The following FARSA variants were observed in gnomAD, a reference collection of about 807,000 sequenced individuals.
FARSA encodes phenylalanyl-tRNA synthetase subunit alpha, also known as phenylalanine--tRNA ligase alpha subunit.
A neutral mutation model predicts 63.2 loss-of-function variants in FARSA; 37 were observed. The observed-to-expected ratio is 0.59, with a 90% CI of 0.45 to 0.77. The LOEUF (loss-of-function observed/expected upper bound fraction) is 0.77, where lower values mean the gene tolerates loss of function less well. FARSA is among the 30% of genes least tolerant of loss of function. The pLI is 0.00. For missense variants in FARSA, 618 were observed against 696.6 expected (o/e 0.89, Z 1.27); for synonymous variants, 312 against 285.1 (o/e 1.09, Z -0.95).
At chr19:12,926,429 G>A (rs1971327601) in intron 7 of FARSA, among the ~76,000 whole-genome samples, 1 of 151,864 alleles carries the variant, frequency 6.6e-6, no homozygotes, top group Non-Finnish European at 1.5e-5. Context: ...CCGCCACTAT[G>A]CCTGGCTAAT....
At chr19:12,933,441 A>G in intron 1 of FARSA, 109 bp downstream of exon 1, 1 of 1,346,054 alleles carries the variant, frequency 7.4e-7, no homozygotes, top group Non-Finnish European at 1.0e-6. Context: ...ACACATATAC[A>G]GCTACCCCAA....
At position 12,924,685 on chromosome 19, in the gene FARSA, G is replaced by A. The variant is rs1971305368; in HGVS notation, c.1149C>T (p.Thr383=). ...GCAGAACGCCCATGAGGTGGCCCAAGGTGAGACCATGATCCGCCACCACGC... is the reference window on the plus strand; with the variant it reads ...GCAGAACGCCCATGAGGTGGCCCAAAGTGAGACCATGATCCGCCACCACGC... The part of the protein sequence containing the change: ...IEGVVADHGL[T]LGHLMGVLRE... Residue 383 remains threonine (T), a synonymous_variant, in exon 10 of 13, where the codon ACC becomes ACT. Coordinates refer to ENST00000314606, the MANE Select transcript of FARSA (RefSeq NM_004461.3). The surrounding 1 kb of genome is among the most constrained non-coding windows in gnomAD (Gnocchi z 6.4). The A allele has an allele frequency of 2.5e-6, 4 of 1,592,424 alleles. No individual in the cohort carries two copies. The highest frequency in any genetic ancestry group is 2.3e-5 in the South Asian group (2 of 87,616).
intron 1 of FARSA, 121 bp from the exon 2 acceptor site, chr19:12,930,870 G>A: frequency 8.6e-7 from 1 of 1,157,558 alleles, no homozygotes; most frequent in Non-Finnish European, 1.2e-6. Context: ...TCACATCCCA[G>A]CTATACAACT....
Position 12,922,505 on chromosome 19 carries a change from C to T in FARSA, c.*243G>A, listed in dbSNP as rs1328837852. Reference sequence around the variant, plus strand: ...GGGGGCAACTGCCCACTTTATTAGACAATAGGTGGCCCACAGGTCTCCTCA... The same window carrying T: ...GGGGGCAACTGCCCACTTTATTAGATAATAGGTGGCCCACAGGTCTCCTCA... On this transcript the variant is annotated 3_prime_UTR_variant, in exon 13 of 13. Coordinates refer to ENST00000314606, the MANE Select transcript of FARSA (RefSeq NM_004461.3). 7.4e-6 allele frequency: 4 copies of T among 537,488 alleles called. No homozygotes were observed. The highest frequency in any genetic ancestry group is 1.3e-5 in the Non-Finnish European group (4 of 302,268). 33.3% of individuals were successfully genotyped at this position (537,488 alleles called of 1,614,324 possible).
chr19:12,933,356 C>T (rs1971416285), intron 1 of FARSA, 194 bp downstream of exon 1: 3 of 629,682 alleles, frequency 4.8e-6, no homozygotes, highest in South Asian at 2.1e-5. Context: ...CCTCAATAAA[C>T]GTTTATTGCA....
rs776683504 is a variant in FARSA, at chr19:12,928,332, G to T, written c.841+10C>A. On this transcript the variant is annotated intron_variant, in intron 7 of 12. Transcript: ENST00000314606. ...CTCATGTCTCAGGGAGGCCCTAGGG[G>T]CTGACCCACCTCGAAGGAAGAAGGT... The T allele has an allele frequency of 3.1e-6, 5 of 1,611,734 alleles. No homozygotes were observed. The East Asian group carries it at 8.9e-5, about 29-fold the overall frequency.
intron 1 of FARSA, among the ~76,000 whole-genome samples, chr19:12,932,170 G>A (rs1422582079): frequency 2.0e-5 from 3 of 150,816 alleles, no homozygotes; most frequent in East Asian, 2.0e-4. Context: ...CTGGGATTAC[G>A]GGTGCCCACC....
At chr19:12,933,491 G>T in intron 1 of FARSA, 59 bp downstream of exon 1, 1 of 1,517,602 alleles carries the variant, frequency 6.6e-7, no homozygotes, top group South Asian at 1.2e-5. Flanking sequence ...TAGAGCGCCC[G>T]TGGCAAGGGG....
chr19:12,931,138 C>G (rs748767653), intron 1 of FARSA, among the ~76,000 whole-genome samples: 1 of 152,222 alleles, frequency 6.6e-6, no homozygotes, highest in Non-Finnish European at 1.5e-5. Context: ...CACCCTGTCA[C>G]TAGGCTGGGT....
chr19:12,922,634 A>C lies in FARSA; in HGVS notation c.*114T>G. On this transcript the variant is annotated 3_prime_UTR_variant, in exon 13 of 13. Coordinates refer to ENST00000314606, the MANE Select transcript of FARSA (RefSeq NM_004461.3). Reference sequence around the variant, plus strand: ...GGTCCTGGGACAGGTGGGAAAGAGGAAGGTGGGGGCTGGCCTCACAGAGGC... The same window carrying C: ...GGTCCTGGGACAGGTGGGAAAGAGGCAGGTGGGGGCTGGCCTCACAGAGGC... 7.5e-7 allele frequency: 1 copy of C among 1,328,264 alleles called. No homozygotes were observed. Among genetic ancestry groups the C allele is most frequent in the Non-Finnish European group, 1.0e-6 (1 of 962,426 alleles). 82.3% of individuals were successfully genotyped at this position (1,328,264 alleles called of 1,614,324 possible).
chr19:12,926,419 C>A (rs1239769996), intron 7 of FARSA, among the ~76,000 whole-genome samples: 1 of 151,228 alleles, frequency 6.6e-6, no homozygotes, highest in Non-Finnish European at 1.5e-5. Context: ...CTACAGGCGC[C>A]CGCCACTATG....
At chr19:12,929,380 T>C (rs1971365436) in intron 4 of FARSA, among the ~76,000 whole-genome samples, 2 of 152,190 alleles carry the variant, frequency 1.3e-5, no homozygotes, top group Non-Finnish European at 2.9e-5. Flanking sequence ...CTAAGTTTTG[T>C]ATTTTCAGTA....
Position 12,924,234 on chromosome 19 carries a change from C to G in FARSA, c.1305G>C (p.Ser435=). ...GLKKWVEVGN[S]GVFRPEMLLP... Reference sequence around the variant, plus strand: ...GCAGCATCTCTGGACGGAAGACCCCCGAGTTTCCGACCTCCACCCACTTCT... The same window carrying G: ...GCAGCATCTCTGGACGGAAGACCCCGGAGTTTCCGACCTCCACCCACTTCT... The change falls in exon 12 of 13, where the codon TCG becomes TCC. Residue 435 remains serine, a synonymous_variant. Transcript: ENST00000314606. The surrounding 1 kb of genome is among the most constrained non-coding windows in gnomAD (Gnocchi z 6.4). 1 of 1,614,150 alleles carries G rather than the reference C, an allele frequency of 6.2e-7. No homozygotes were observed.
At position 12,928,538 on chromosome 19, in the gene FARSA, A is replaced by G; in HGVS notation, c.722T>C (p.Met241Thr). 1 of 1,614,084 alleles carries G rather than the reference A, an allele frequency of 6.2e-7. No homozygotes were observed. Among genetic ancestry groups the G allele is most frequent in the Non-Finnish European group, 8.5e-7 (1 of 1,179,982 alleles). The change falls in exon 6 of 13, where the codon ATG becomes ACG. Residue 241 changes from methionine (M) to threonine (T), a missense_variant. Met to Thr is a moderately conservative substitution (Grantham distance 81). Coordinates refer to ENST00000314606, the MANE Select transcript of FARSA (RefSeq NM_004461.3). ...CCGCCCCCAGCCCTGTGCTCACCCC[A>G]TCTCCAGGAAGATCTGTCGGAACTG... ...RSQFRQIFLE[M>T]GFTEMPTDNF... is the part of the protein sequence containing the mutation.
intron 1 of FARSA, among the ~76,000 whole-genome samples, chr19:12,931,817 G>GT (rs1971399654): frequency 6.6e-6 from 1 of 152,182 alleles, no homozygotes; most frequent in South Asian, 2.1e-4. Context: ...GACAACAAGG[G>GT]TAAGTAGAGT....
chr19:12,928,487 C>T (rs759346231), intron 6 of FARSA, 30 bp from the exon 7 acceptor site: 3 of 1,613,928 alleles, frequency 1.9e-6, no homozygotes, highest in Admixed American at 1.7e-5. Flanking sequence ...GACTGCCCTG[C>T]CTGTACCCAG....
intron 1 of FARSA, among the ~76,000 whole-genome samples, chr19:12,932,340 T>G (rs1182311499): frequency 2.0e-5 from 3 of 152,136 alleles, no homozygotes; most frequent in Non-Finnish European, 4.4e-5. Context: ...TAAATTCTAA[T>G]TACTATAATT....
Position 12,930,457 on chromosome 19 carries a change from G to C in FARSA, c.356C>G (p.Ala119Gly). ...SNKWIRVDKS[A>G]ADGPRVFRVV... ...TCGGAACACCCGGGGCCCGTCAGCC[G>C]CACTCTTGTCCACCCGAATCCACTT... is the stretch of plus-strand genomic sequence containing the variant. Residue 119 changes from alanine (A) to glycine (G), a missense_variant, in exon 3 of 13, where the codon GCG (alanine) becomes GGG (glycine). Transcript: ENST00000314606. 6.2e-7 allele frequency: 1 copy of C among 1,614,124 alleles called. No individual in the cohort carries two copies.
chr19:12,924,193 G>C lies in FARSA; in HGVS notation c.1346C>G (p.Pro449Arg). The C allele has an allele frequency of 6.2e-7, 1 of 1,614,186 alleles. No homozygotes were observed. The highest frequency in any genetic ancestry group is 8.5e-7 in the Non-Finnish European group (1 of 1,180,044). Residue 449 changes from proline to arginine, a missense_variant, in exon 12 of 13, where the codon CCC (proline) becomes CGC (arginine). Coordinates refer to ENST00000314606, the MANE Select transcript of FARSA (RefSeq NM_004461.3). This position sits in a 1 kb window ranked among gnomAD's most constrained non-coding sequence, Gnocchi z 6.4. ...RPEMLLPMGL[P>R]ENVSVIAWGL... ...CCAGGCAATGACCGACACGTTCTCGGGAAGCCCCATGGGCAGCAGCATCTC... is the reference window on the plus strand; with the variant it reads ...CCAGGCAATGACCGACACGTTCTCGCGAAGCCCCATGGGCAGCAGCATCTC...
Sources: gnomAD v4.1 joint callset for allele counts (sites outside exome capture counted in the v4.1 genomes callset) on GRCh38, gnomAD v4.1.1 for gene constraint, Gnocchi (gnomAD v3.1) non-coding constraint, MANE v1.5 for transcripts, NCBI Gene and HGNC (gene_info 2026-07-23, HGNC 2026-07-21) for gene names.